Variants in ZRANB3 observed in about 807,000 individuals in gnomAD.
ZRANB3 encodes the protein DNA annealing helicase and endonuclease ZRANB3.
ZRANB3 carries 125 observed loss-of-function variants against 133.8 expected under a neutral mutation model. The observed-to-expected ratio is 0.93, with a 90% CI of 0.81 to 1.08. The LOEUF (loss-of-function observed/expected upper bound fraction) is 1.08. ZRANB3 is among the 50% of genes least tolerant of loss of function. The pLI, the probability that ZRANB3 is intolerant of heterozygous loss-of-function variation, is 0.00. For synonymous variants in ZRANB3, 387 were observed against 432.7 expected, an observed-to-expected ratio of 0.89 and a Z score of 1.31; for missense variants, 1,229 against 1,275.5, an observed-to-expected ratio of 0.96 and a Z score of 0.56.
At chr2:135,375,091 C>T (rs1188490078) in intron 3 of ZRANB3, among the ~76,000 whole-genome samples, 2 of 152,108 alleles carry the variant, frequency 1.3e-5, no homozygotes, top group Non-Finnish European at 2.9e-5. Flanking sequence ...TCTTTCACTG[C>T]TAATGGAAAT....
rs368645719 is a variant in ZRANB3 at position 135,337,577 on chromosome 2, T to TA, written c.677+7972dup. Among the ~76,000 whole-genome samples, 77 of 152,138 alleles carry TA rather than the reference T, an allele frequency of 5.1e-4. No homozygotes were observed. In the South Asian group the frequency reaches 0.013, roughly 26 times the overall value. On this transcript the variant is annotated intron_variant, in intron 6 of 20. Transcript: ENST00000264159. ...CATTATAGTCATTTCCATGCACTGT[T>TA]AAAAAAAATCACTTGGTAAAGACTA...
At chr2:135,233,111 G>T (rs898581229) in intron 12 of ZRANB3, among the ~76,000 whole-genome samples, 1 of 152,224 alleles carries the variant, frequency 6.6e-6, no homozygotes, top group Non-Finnish European at 1.5e-5. Flanking sequence ...ACCTGATGGA[G>T]CTGAAAACCA....
intron 3 of ZRANB3, among the ~76,000 whole-genome samples, chr2:135,387,360 A>C (rs184859946): frequency 1.1e-4 from 17 of 152,356 alleles, no homozygotes; most frequent in Admixed American, 1.0e-3. Flanking sequence ...ACCATATTAG[A>C]AAACAGAATG....
intron 8 of ZRANB3, among the ~76,000 whole-genome samples, chr2:135,284,494 C>CG (rs1477503651): frequency 6.6e-6 from 1 of 152,130 alleles, no homozygotes; most frequent in Non-Finnish European, 1.5e-5. Flanking sequence ...GCTTTTGAGA[C>CG]GGAGTCTCGC....
rs186752479 is a variant in ZRANB3 at position 135,370,494 on chromosome 2, C to T, written c.181-16866G>A. On this transcript the variant is annotated intron_variant, in intron 3 of 20. Coordinates refer to ENST00000264159, the MANE Select transcript of ZRANB3 (RefSeq NM_032143.4). ...GTCTCCAATATCATCCAGGTTGCTG[C>T]GAATGAAGGCATGTTTCTTAATCCA... Among the ~76,000 whole-genome samples, 23 of 151,954 alleles carry T rather than the reference C, an allele frequency of 1.5e-4. No individual in the cohort carries two copies. The East Asian group carries it at 2.9e-3, about 19-fold the overall frequency.
intron 2 of ZRANB3, among the ~76,000 whole-genome samples, chr2:135,435,494 T>G (rs1301834912): frequency 6.6e-6 from 1 of 152,250 alleles, no homozygotes; most frequent in East Asian, 1.9e-4. Flanking sequence ...TTTATATTCT[T>G]CTGGGTATAT....
At chr2:135,337,837 T>TA (rs1440309236) in intron 6 of ZRANB3, among the ~76,000 whole-genome samples, 1 of 152,200 alleles carries the variant, frequency 6.6e-6, no homozygotes. Flanking sequence ...AAAATAAATG[T>TA]AACAGTGTCA....
chr2:135,438,966 A>C (rs1689667557), intron 2 of ZRANB3, among the ~76,000 whole-genome samples: 3 of 152,224 alleles, frequency 2.0e-5, no homozygotes, highest in African/African-American at 7.2e-5. Flanking sequence ...AAAAAGGAGA[A>C]GGCTGAAATA....
At chr2:135,466,811 G>C (rs1015577090) in intron 2 of ZRANB3, among the ~76,000 whole-genome samples, 5 of 151,824 alleles carry the variant, frequency 3.3e-5, no homozygotes, top group African/African-American at 1.2e-4. Flanking sequence ...CTGAGTAGCT[G>C]GGAATACAGG....
intron 2 of ZRANB3, among the ~76,000 whole-genome samples, chr2:135,407,668 G>A (rs1179131550): frequency 9.9e-5 from 15 of 151,620 alleles, no homozygotes; most frequent in East Asian, 5.8e-4. Context: ...AAATAATGCC[G>A]AATATCTACA....
At chr2:135,206,199 G>C (rs969067130) in intron 19 of ZRANB3, among the ~76,000 whole-genome samples, 1 of 152,016 alleles carries the variant, frequency 6.6e-6, no homozygotes, top group Non-Finnish European at 1.5e-5. Context: ...ATACTATGTG[G>C]GTGACATTTT....
At position 135,357,493 on chromosome 2, in the gene ZRANB3, G is replaced by A. The variant is rs374314579; in HGVS notation, c.181-3865C>T. Reference sequence around the variant, plus strand: ...GTATTTTTAGTAGAGACGGGGTTTCGCCATGTTGGCCAGGCTGGTCTCAAA... The same window carrying A: ...GTATTTTTAGTAGAGACGGGGTTTCACCATGTTGGCCAGGCTGGTCTCAAA... On this transcript the variant is annotated intron_variant, in intron 3 of 20. Coordinates refer to ENST00000264159, the MANE Select transcript of ZRANB3 (RefSeq NM_032143.4). 5.9e-5 allele frequency among the ~76,000 whole-genome samples: 9 copies of A among 152,092 alleles called. No homozygotes were observed. The East Asian group carries it at 1.4e-3, about 23-fold the overall frequency.
chr2:135,226,474 C>G (rs1347243366), intron 14 of ZRANB3, among the ~76,000 whole-genome samples: 1 of 152,102 alleles, frequency 6.6e-6, no homozygotes, highest in East Asian at 1.9e-4. Flanking sequence ...AATTCTCAGC[C>G]CAGTGATCTG....
chr2:135,413,911 G>A (rs1553488347), intron 2 of ZRANB3, among the ~76,000 whole-genome samples: 1 of 152,054 alleles, frequency 6.6e-6, no homozygotes, highest in African/African-American at 2.4e-5. Context: ...AATACTGAGA[G>A]ATTTTGTCAC....
At chr2:135,350,632 G>A (rs1169963374) in intron 4 of ZRANB3, among the ~76,000 whole-genome samples, 1 of 152,160 alleles carries the variant, frequency 6.6e-6, no homozygotes, top group African/African-American at 2.4e-5. Flanking sequence ...ACTAAGTGAA[G>A]CTCTGCAGTG....
intron 13 of ZRANB3, among the ~76,000 whole-genome samples, chr2:135,229,610 G>A (rs916790514): frequency 1.1e-4 from 17 of 151,974 alleles, no homozygotes; most frequent in South Asian, 2.1e-4. Flanking sequence ...CTCGTGATCC[G>A]CCCGCCTCGG....
rs60574406 is a variant in ZRANB3, at chr2:135,485,185, A to AACATAACATAACAT, written c.161+19143_161+19144insATGTTATGTTATGT. Among the ~76,000 whole-genome samples, 151 of 121,690 alleles carry AACATAACATAACAT rather than the reference A, an allele frequency of 1.2e-3. 1 individual carries two copies. Among genetic ancestry groups the AACATAACATAACAT allele is most frequent in the East Asian group, 0.012 (48 of 4,066 alleles). The allele number at this position is 121,690 out of a possible 152,430, so 79.8% of individuals were successfully genotyped here. A position where few individuals can be genotyped will look rare whatever the true frequency, so the allele number is the denominator to read the frequency against. On this transcript the variant is annotated intron_variant, in intron 2 of 20. Transcript: ENST00000264159. ...AAACAAAACAAAACAAAACAAAACA[A>AACATAACATAACAT]AACATAACATAACATAACATAACAT...
At chr2:135,389,933 T>G (rs1687150939) in intron 3 of ZRANB3, among the ~76,000 whole-genome samples, 2 of 139,792 alleles carry the variant, frequency 1.4e-5, no homozygotes, top group South Asian at 4.8e-4. Context: ...CAAGCTGGAG[T>G]GCAGTGGCAT....
chr2:135,522,837 A>T (rs1559053754), intron 1 of ZRANB3, among the ~76,000 whole-genome samples: 1 of 152,212 alleles, frequency 6.6e-6, no homozygotes, highest in Non-Finnish European at 1.5e-5. Flanking sequence ...CCATGCTAAG[A>T]GTTTGGACTT....
Sources: gnomAD v4.1 joint callset for allele counts (sites outside exome capture counted in the v4.1 genomes callset) on GRCh38, gnomAD v4.1.1 for gene constraint, MANE v1.5 for transcripts, NCBI Gene and HGNC (gene_info 2026-07-23, HGNC 2026-07-21) for gene names.